GABRG1: variants seen among roughly 807,000 people sequenced by gnomAD.
GABRG1 encodes gamma-aminobutyric acid type A receptor subunit gamma1, also known as gamma-aminobutyric acid receptor subunit gamma-1.
GABRG1 carries 49 observed loss-of-function variants against 49.8 expected under a neutral mutation model. That is an observed-to-expected ratio of 0.98 (90% CI 0.78 to 1.25). The LOEUF (loss-of-function observed/expected upper bound fraction) is 1.25, where lower values mean the gene tolerates loss of function less well. Ranked by LOEUF, GABRG1 falls within the 50% of genes most tolerant of loss-of-function variation. The pLI is 0.00. For missense variants in GABRG1, 552 were observed against 552.3 expected (o/e 1.00, Z 0.01); for synonymous variants, 232 against 185.1 (o/e 1.25, Z -2.06).
chr4:46,118,054 G>A (rs1433877674), intron 1 of GABRG1, among the ~76,000 whole-genome samples: 1 of 130,964 alleles, frequency 7.6e-6, no homozygotes, highest in South Asian at 2.2e-4. Flanking sequence ...ATACATGTGT[G>A]TATGTATACA....
At chr4:46,079,914 C>A (rs1354613555) in intron 3 of GABRG1, among the ~76,000 whole-genome samples, 1 of 151,810 alleles carries the variant, frequency 6.6e-6, no homozygotes, top group African/African-American at 2.4e-5. Flanking sequence ...GTAACATGTT[C>A]TTGACTTCAA....
In GABRG1 at chr4:46,058,376, G is replaced by GAAA; in HGVS notation, c.764-10_764-8dup. On this transcript the variant is annotated splice_region_variant and splice_polypyrimidine_tract_variant and intron_variant, in intron 6 of 8. Coordinates refer to ENST00000295452, the MANE Select transcript of GABRG1 (RefSeq NM_173536.4). ...GTCATGATAACATAATCCCCTGTAA[G>GAAA]AAAAAAAAGTTTTATTTTGGCTATA... 1.3e-6 allele frequency: 2 copies of GAAA among 1,596,658 alleles called. No individual in the cohort carries two copies. Among genetic ancestry groups the GAAA allele is most frequent in the Non-Finnish European group, 1.7e-6 (2 of 1,174,220 alleles).
chr4:46,113,902 A>G (rs1177280873), intron 1 of GABRG1, among the ~76,000 whole-genome samples: 1 of 151,124 alleles, frequency 6.6e-6, no homozygotes, highest in African/African-American at 2.4e-5. Context: ...ACACATTTTC[A>G]TAAACACAGT....
At chr4:46,083,907 A>T in intron 3 of GABRG1, 79 bp downstream of exon 3, 2 of 773,008 alleles carry the variant, frequency 2.6e-6, no homozygotes, top group South Asian at 1.6e-5. Context: ...ATAAAAAATT[A>T]CTCACATGCG....
chr4:46,060,942 T>A (rs538837438), intron 5 of GABRG1, among the ~76,000 whole-genome samples: 1 of 152,260 alleles, frequency 6.6e-6, no homozygotes, highest in East Asian at 1.9e-4. Context: ...CACACATATT[T>A]GTTGTGAAAT....
chr4:46,043,290 ACT>A (rs917003247), intron 8 of GABRG1, among the ~76,000 whole-genome samples: 12 of 151,814 alleles, frequency 7.9e-5, no homozygotes, highest in African/African-American at 2.9e-4. Flanking sequence ...TAAAAAATGA[ACT>A]CTCTGGTGAG....
intron 7 of GABRG1, among the ~76,000 whole-genome samples, chr4:46,056,007 T>TGA (rs1465193455): frequency 4.3e-5 from 1 of 23,144 alleles, no homozygotes; most frequent in Non-Finnish European, 7.8e-5. Context: ...TAATGCTAGA[T>TGA]GACACATTAG....
chr4:46,051,510 T>A lies in GABRG1; in HGVS notation c.1045A>T (p.Met349Leu), dbSNP rs1718219462. ...AAATAATGCAAGGTTCCATATTCCA[T>A]CAAGGCTGCAAAAACAAAAATGAAA... is the stretch of plus-strand genomic sequence containing the variant. The part of the protein sequence containing the change: ...VCFIFVFAAL[M>L]EYGTLHYFTS... Residue 349 changes from methionine to leucine, a missense_variant, in exon 8 of 9, where the codon ATG becomes TTG. Coordinates refer to ENST00000295452, the MANE Select transcript of GABRG1 (RefSeq NM_173536.4). 6.2e-7 allele frequency: 1 copy of A among 1,611,298 alleles called. No homozygotes were observed. The highest frequency in any genetic ancestry group is 1.3e-5 in the African/African-American group (1 of 74,696).
intron 8 of GABRG1, among the ~76,000 whole-genome samples, chr4:46,045,316 A>C (rs1717951822): frequency 6.6e-6 from 1 of 152,092 alleles, no homozygotes; most frequent in Admixed American, 6.6e-5. Context: ...AAAGTGTTAA[A>C]ATGAAATCTT....
At chr4:46,100,457 C>T (rs770568275) in intron 1 of GABRG1, among the ~76,000 whole-genome samples, 3 of 129,924 alleles carry the variant, frequency 2.3e-5, no homozygotes, top group Non-Finnish European at 4.9e-5. Context: ...TACATGTACC[C>T]CTGAACTTAA....
intron 3 of GABRG1, among the ~76,000 whole-genome samples, chr4:46,065,836 C>T (rs545010280): frequency 7.4e-4 from 112 of 152,220 alleles, no homozygotes; most frequent in African/African-American, 1.9e-3. Context: ...CATTCTCCTG[C>T]CTCAGCCTCC....
chr4:46,123,458 C>T (rs7688353), intron 1 of GABRG1, among the ~76,000 whole-genome samples: 17,103 of 151,928 alleles, frequency 0.11, 2,519 homozygotes, highest in African/African-American at 0.35. Context: ...AATGCAGAAT[C>T]ATCCAGAAAG....
In GABRG1 at chr4:46,117,218, G is replaced by T. The variant is rs1202101471; in HGVS notation, c.104+6592C>A. Among the ~76,000 whole-genome samples the T allele has an allele frequency of 3.3e-5, 5 of 150,304 alleles. No individual in the cohort carries two copies. The East Asian group carries it at 9.8e-4, about 29-fold the overall frequency. ...TTCTGATCCTATATTCTAGCTATAG[G>T]TTGGAGAGCAGGGTCTATATTAAGT... On this transcript the variant is annotated intron_variant, in intron 1 of 8. Transcript: ENST00000295452.
intron 1 of GABRG1, 50 bp from the exon 2 acceptor site, chr4:46,097,399 T>C (rs558048356): frequency 1.8e-5 from 27 of 1,534,232 alleles, no homozygotes; most frequent in South Asian, 1.6e-4. Context: ...AATCAAATCA[T>C]GTATAAAAGT....
chr4:46,079,418 A>G (rs975777406), intron 3 of GABRG1, among the ~76,000 whole-genome samples: 2 of 151,964 alleles, frequency 1.3e-5, no homozygotes, highest in Non-Finnish European at 2.9e-5. Flanking sequence ...GGAAGATTCT[A>G]TCTAGTTTCA....
chr4:46,055,137 A>C (rs1718381936), intron 7 of GABRG1, among the ~76,000 whole-genome samples: 1 of 14,152 alleles, frequency 7.1e-5, no homozygotes, highest in South Asian at 2.6e-3. Context: ...CTGCACAGCA[A>C]AAGAAACTAC....
rs1717508348 is a variant in GABRG1, at chr4:46,036,037, G to A, written c.*4951C>T. 1 of 151,800 alleles carries A rather than the reference G, an allele frequency of 6.6e-6. No individual in the cohort carries two copies. Among genetic ancestry groups the A allele is most frequent in the Non-Finnish European group, 1.5e-5 (1 of 67,862 alleles). The allele number at this position is 151,800 out of a possible 1,614,324, so 9.4% of individuals were successfully genotyped here. ...TTGAAAACCAAACTATTTCCATTTA[G>A]GTAAATCATGTCTCAAAAGTCTTCT... On this transcript the variant is annotated 3_prime_UTR_variant, in exon 9 of 9. Transcript: ENST00000295452.
chr4:46,122,604 A>G (rs1169036181), intron 1 of GABRG1, among the ~76,000 whole-genome samples: 3 of 152,080 alleles, frequency 2.0e-5, no homozygotes, highest in African/African-American at 7.2e-5. Flanking sequence ...CAGGTCTAAT[A>G]TTACTTAGCC....
chr4:46,121,531 T>A (rs1160060048), intron 1 of GABRG1, among the ~76,000 whole-genome samples: 2 of 151,996 alleles, frequency 1.3e-5, no homozygotes, highest in Non-Finnish European at 2.9e-5. Context: ...TAGAACCCAA[T>A]GGAGAAAGAA....
Sources: allele counts gnomAD v4.1 joint callset (sites outside exome capture counted in the v4.1 genomes callset), GRCh38; gene constraint gnomAD v4.1.1; transcripts MANE v1.5; gene names NCBI Gene and HGNC (gene_info 2026-07-23, HGNC 2026-07-21).